The following PTPRD variants were observed in gnomAD, a reference collection of about 807,000 sequenced individuals.
PTPRD encodes protein tyrosine phosphatase receptor type D, also known as receptor-type tyrosine-protein phosphatase delta.
A neutral mutation model predicts 214.5 loss-of-function variants in PTPRD; 34 were observed. The observed-to-expected ratio is 0.16, with a 90% CI of 0.12 to 0.21. PTPRD has a LOEUF of 0.21. Among genes scored for constraint, PTPRD ranks in the 10% least tolerant of loss-of-function variants. The pLI is 1.00. For missense variants in PTPRD, 2,545 were observed against 2,398.7 expected (o/e 1.06, Z -1.27); for synonymous variants, 1,128 against 845.7 (o/e 1.33, Z -5.79).
At chr9:9,047,268 G>GA (rs2099674545) in intron 10 of PTPRD, among the ~76,000 whole-genome samples, 1 of 151,880 alleles carries the variant, frequency 6.6e-6, no homozygotes, top group South Asian at 2.1e-4. Context: ...ACCAAACAAT[G>GA]AAAAAATATT....
intron 14 of PTPRD, among the ~76,000 whole-genome samples, chr9:8,561,009 C>T (rs992670980): frequency 3.3e-5 from 5 of 151,858 alleles, no homozygotes; most frequent in Admixed American, 3.3e-4. Flanking sequence ...GGGCAGGATC[C>T]CCTTTTAAAC....
chr9:9,945,573 C>G (rs1740689290), intron 4 of PTPRD, among the ~76,000 whole-genome samples: 1 of 152,044 alleles, frequency 6.6e-6, no homozygotes, highest in Non-Finnish European at 1.5e-5. Context: ...TTAAGTAATG[C>G]AAGTTGAAGA....
At chr9:10,489,331 G>A (rs1258080154) in intron 2 of PTPRD, among the ~76,000 whole-genome samples, 2 of 152,130 alleles carry the variant, frequency 1.3e-5, no homozygotes, top group Non-Finnish European at 2.9e-5. Flanking sequence ...TGGTATCCAA[G>A]ATGCAAAACA....
At position 9,188,772 on chromosome 9, in the gene PTPRD, C is replaced by T. The variant is rs377488546; in HGVS notation, c.-202-5409G>A. ...TATTCTGTGGAATTATGAGAGTGGA[C>T]GTCAACCTGGTCACAGAATTTTAGT... On this transcript the variant is annotated intron_variant, in intron 9 of 45. Coordinates refer to ENST00000381196, the MANE Select transcript of PTPRD (RefSeq NM_002839.4). 7.3e-5 allele frequency among the ~76,000 whole-genome samples: 11 copies of T among 151,476 alleles called. No individual in the cohort carries two copies. The East Asian group carries it at 7.8e-4, about 11-fold the overall frequency.
At chr9:10,475,775 C>T (rs2099058696) in intron 2 of PTPRD, among the ~76,000 whole-genome samples, 1 of 152,078 alleles carries the variant, frequency 6.6e-6, no homozygotes, top group South Asian at 2.1e-4. Flanking sequence ...AAAAGCTTAT[C>T]TACCACGATC....
chr9:10,383,709 A>G (rs1025710531), intron 2 of PTPRD, among the ~76,000 whole-genome samples: 7 of 151,744 alleles, frequency 4.6e-5, no homozygotes, highest in Non-Finnish European at 7.4e-5. Context: ...GACAAGATAG[A>G]ATCTCTAGCA....
chr9:8,375,324 A>G (rs1053966798), intron 39 of PTPRD, among the ~76,000 whole-genome samples: 3 of 151,972 alleles, frequency 2.0e-5, no homozygotes, highest in Non-Finnish European at 2.9e-5. Context: ...AATACAAACT[A>G]TACATTTCGA....
intron 5 of PTPRD, among the ~76,000 whole-genome samples, chr9:9,871,680 G>A (rs1170152565): frequency 6.6e-6 from 1 of 151,506 alleles, no homozygotes; most frequent in Admixed American, 6.6e-5. Context: ...GGGCCTGGGA[G>A]AAGAAGTGCA....
intron 11 of PTPRD, among the ~76,000 whole-genome samples, chr9:8,813,937 T>C (rs143399542): frequency 1.3e-5 from 2 of 152,308 alleles, no homozygotes; most frequent in East Asian, 1.9e-4. Flanking sequence ...TTATTTCTCT[T>C]AGGTGCTTTC....
chr9:8,941,511 G>A (rs920057453), intron 11 of PTPRD, among the ~76,000 whole-genome samples: 32 of 152,176 alleles, frequency 2.1e-4, no homozygotes, highest in Non-Finnish European at 7.3e-5. Flanking sequence ...CCTTGGGTAA[G>A]TAACTTAACC....
At chr9:9,187,925 A>T (rs1395547916) in intron 9 of PTPRD, among the ~76,000 whole-genome samples, 3 of 152,000 alleles carry the variant, frequency 2.0e-5, no homozygotes, top group Non-Finnish European at 2.9e-5. Context: ...AATTTAAATT[A>T]AAAAAATCAA....
At chr9:10,268,117 T>TC (rs1364761004) in intron 3 of PTPRD, among the ~76,000 whole-genome samples, 144 of 34,078 alleles carry the variant, frequency 4.2e-3, no homozygotes, top group African/African-American at 8.4e-3. Flanking sequence ...ATCTCCATCT[T>TC]TTTTTTTTTT....
intron 7 of PTPRD, among the ~76,000 whole-genome samples, chr9:9,622,563 A>C (rs1243170876): frequency 1.3e-5 from 2 of 152,232 alleles, no homozygotes; most frequent in African/African-American, 2.4e-5. Flanking sequence ...GATACGCTGC[A>C]TTTCCCATGA....
intron 35 of PTPRD, among the ~76,000 whole-genome samples, chr9:8,411,796 T>C (rs1317825039): frequency 2.6e-5 from 4 of 152,204 alleles, no homozygotes; most frequent in African/African-American, 9.6e-5. Flanking sequence ...GATGGACAGA[T>C]TTATAGGTGA....
chr9:9,467,127 G>A (rs1375104764), intron 8 of PTPRD, among the ~76,000 whole-genome samples: 1 of 150,312 alleles, frequency 6.7e-6, no homozygotes, highest in East Asian at 2.0e-4. Flanking sequence ...TAAGATAGAA[G>A]AGGACACATT....
chr9:10,094,073 C>G (rs900284083), intron 3 of PTPRD, among the ~76,000 whole-genome samples: 2 of 151,388 alleles, frequency 1.3e-5, no homozygotes, highest in Admixed American at 6.6e-5. Flanking sequence ...TGCACATGTA[C>G]CTGTTGAATC....
chr9:10,597,247 G>T (rs139088650), intron 2 of PTPRD, among the ~76,000 whole-genome samples: 3 of 151,566 alleles, frequency 2.0e-5, no homozygotes, highest in African/African-American at 7.3e-5. Flanking sequence ...TACCAAGACT[G>T]CCCCTTTTAA....
chr9:9,013,603 T>C (rs2099521072), intron 11 of PTPRD, among the ~76,000 whole-genome samples: 1 of 152,182 alleles, frequency 6.6e-6, no homozygotes, highest in African/African-American at 2.4e-5. Context: ...ATTCTCTGTA[T>C]ATATGCATTG....
At chr9:10,330,178 C>G (rs2154433882) in intron 3 of PTPRD, among the ~76,000 whole-genome samples, 1 of 151,878 alleles carries the variant, frequency 6.6e-6, no homozygotes, top group South Asian at 2.1e-4. Flanking sequence ...TTAACTGGGA[C>G]TATGAGATTG....
Sources: gnomAD v4.1 joint callset for allele counts (sites outside exome capture counted in the v4.1 genomes callset) on GRCh38, gnomAD v4.1.1 for gene constraint, MANE v1.5 for transcripts, NCBI Gene and HGNC (gene_info 2026-07-23, HGNC 2026-07-21) for gene names.